The following CDCP2 variants were observed in gnomAD, a reference collection of about 807,000 sequenced individuals.
CDCP2 encodes the protein CUB domain-containing protein 2.
In CDCP2, 31 loss-of-function variants were observed where a neutral mutation model predicts 31.0. The ratio of observed to expected loss-of-function variants is 1.00; its 90% CI spans 0.75 to 1.35. The LOEUF (loss-of-function observed/expected upper bound fraction) is 1.35, where lower values mean the gene tolerates loss of function less well. CDCP2 is among the 40% of genes most tolerant of loss of function. The pLI is 0.00. For missense variants in CDCP2, 443 were observed against 482.6 expected (o/e 0.92, Z 0.77); for synonymous variants, 206 against 207.9 (o/e 0.99, Z 0.08).
At chr1:54,134,490 C>A (rs2100417681) in intron 5 of CDCP2, among the ~76,000 whole-genome samples, 1 of 152,314 alleles carries the variant, frequency 6.6e-6, no homozygotes, top group South Asian at 2.1e-4. Flanking sequence ...TGATGCAGAA[C>A]TACTCTCCCA....
chr1:54,152,846 T>C lies in CDCP2; in HGVS notation c.77A>G (p.Glu26Gly), dbSNP rs760766085. ...ATGTCTGTCCCAAGAGTGCCTACCT[T>C]CCATGGCTTGGGCCTGGAGCCCTGG... The change falls in exon 1 of 6, where the codon GAA (glutamate) becomes GGA (glycine). Residue 26 changes from glutamate (E) to glycine (G), a missense_variant and splice_region_variant. Physicochemically the swap from Glu to Gly is moderately conservative, Grantham distance 98. Coordinates refer to ENST00000530059, the Ensembl canonical transcript of CDCP2. The C allele has an allele frequency of 3.7e-6, 6 of 1,613,976 alleles. No homozygotes were observed. In the Admixed American group the frequency reaches 1.0e-4, roughly 27 times the overall value.
intron 1 of CDCP2, among the ~76,000 whole-genome samples, chr1:54,152,356 C>G (rs12095521): frequency 6.6e-6 from 1 of 151,706 alleles, no homozygotes; most frequent in African/African-American, 2.4e-5. Context: ...CCCTGCTACT[C>G]GAGAGGCTGA....
exon 1 of CDCP2, chr1:54,152,906 C>A: frequency 6.2e-7 from 1 of 1,614,206 alleles, no homozygotes; most frequent in Non-Finnish European, 8.5e-7. Context: ...CAGGCAAGCC[C>A]CCCACTCTGC....
chr1:54,152,971 ATCTCAGGGTCCGG>A (rs767234985), upstream of CDCP2: 10 of 1,570,452 alleles, frequency 6.4e-6, no homozygotes, highest in Non-Finnish European at 8.8e-6. Context: ...GTAGGCCAGG[ATCTCAGGGTCCGG>A]AGCAAGGGAA....
rs534855073 is a variant in CDCP2 at position 54,146,394 on chromosome 1, G to T, written c.80-1581C>A. 5.5e-4 allele frequency among the ~76,000 whole-genome samples: 83 copies of T among 151,822 alleles called. 2 individuals are homozygous for T. The highest frequency in any genetic ancestry group is 2.0e-3 in the African/African-American group (81 of 41,156). On this transcript the variant is annotated intron_variant, in intron 1 of 5. Transcript: ENST00000530059. ...AGGGTTTCACCATTTTGGGCAGGCT[G>T]GTCTCGAACTCCTGACCTCAAGTTA...
chr1:54,144,746 C>T, exon 2 of CDCP2: 10 of 1,614,164 alleles, frequency 6.2e-6, no homozygotes, highest in Non-Finnish European at 7.6e-6. Flanking sequence ...TGTAGGGGTA[C>T]AGTCTAGGGA....
intron 3 of CDCP2, 168 bp downstream of exon 3, chr1:54,140,930 C>T (rs534580548): frequency 1.8e-5 from 9 of 507,000 alleles, no homozygotes; most frequent in Non-Finnish European, 2.4e-5. Context: ...AGGTGACATG[C>T]TTATGTCTTG....
At chr1:54,145,805 C>A (rs1659458179) in intron 1 of CDCP2, among the ~76,000 whole-genome samples, 1 of 152,076 alleles carries the variant, frequency 6.6e-6, no homozygotes, top group Non-Finnish European at 1.5e-5. Flanking sequence ...CTTAAATGTG[C>A]CCTGTTTCAT....
chr1:54,133,964 C>T (rs1336753410), intron 5 of CDCP2, among the ~76,000 whole-genome samples: 1 of 151,926 alleles, frequency 6.6e-6, no homozygotes, highest in Non-Finnish European at 1.5e-5. Flanking sequence ...GAGGTTAAAT[C>T]CCTTGCCTGA....
At chr1:54,144,655 G>T (rs1488417773) in exon 2 of CDCP2, 1 of 1,614,174 alleles carries the variant, frequency 6.2e-7, no homozygotes, top group East Asian at 2.2e-5. Flanking sequence ...CAGGTGTCGT[G>T]GTACTCTAGG....
At chr1:54,144,681 G>A in exon 2 of CDCP2, 1 of 1,614,242 alleles carries the variant, frequency 6.2e-7, no homozygotes, top group Non-Finnish European at 8.5e-7. Context: ...GGCATGGAAG[G>A]TGAGCAGCAC....
chr1:54,145,250 A>C (rs1471436949), intron 1 of CDCP2, among the ~76,000 whole-genome samples: 1 of 152,086 alleles, frequency 6.6e-6, no homozygotes, highest in Non-Finnish European at 1.5e-5. Flanking sequence ...ATATAGTAAA[A>C]TCCCATCTCT....
chr1:54,148,434 T>C (rs1659513354), intron 1 of CDCP2, among the ~76,000 whole-genome samples: 1 of 151,196 alleles, frequency 6.6e-6, no homozygotes, highest in African/African-American at 2.4e-5. Context: ...AAAAGTTAAT[T>C]TGGAGAACTT....
At chr1:54,139,366 TAG>T (rs1260726812) in intron 4 of CDCP2, 18 of 626,144 alleles carry the variant, frequency 2.9e-5, no homozygotes, top group Non-Finnish European at 4.0e-5. Context: ...GCAGGGCTGG[TAG>T]ACATCCCCAC....
At chr1:54,133,554 A>C (rs146051072) in intron 5 of CDCP2, among the ~76,000 whole-genome samples, 64 of 152,184 alleles carry the variant, frequency 4.2e-4, no homozygotes, top group African/African-American at 1.3e-3. Flanking sequence ...TCTATATTTT[A>C]AGTATCTTAT....
intron 2 of CDCP2, chr1:54,142,921 C>T (rs1659399653): frequency 6.6e-6 from 1 of 152,214 alleles, no homozygotes; most frequent in Non-Finnish European, 1.5e-5. Flanking sequence ...ATAGCACCCA[C>T]AGACTTTAAT....
intron 1 of CDCP2, among the ~76,000 whole-genome samples, chr1:54,150,543 C>T (rs951586657): frequency 4.6e-5 from 7 of 151,774 alleles, no homozygotes; most frequent in East Asian, 1.9e-4. Context: ...TGCACTGAGC[C>T]GAGATTGCGC....
intron 3 of CDCP2, 50 bp from the exon 4 acceptor site, chr1:54,140,156 A>ACC: frequency 6.4e-7 from 1 of 1,558,270 alleles, no homozygotes; most frequent in Non-Finnish European, 8.8e-7. Flanking sequence ...GGGAGAGGAG[A>ACC]AGTCACTCTC....
At chr1:54,133,040 G>A (rs4483354) in exon 6 of CDCP2, 23,147 of 399,044 alleles carry the variant, frequency 0.058, 860 homozygotes, top group Non-Finnish European at 0.075. Context: ...CCAGGAAGAC[G>A]ATGTCACTGG....
Sources: gnomAD v4.1 joint callset for allele counts (sites outside exome capture counted in the v4.1 genomes callset) on GRCh38, gnomAD v4.1.1 for gene constraint, MANE v1.5 for transcripts, NCBI Gene and HGNC (gene_info 2026-07-23, HGNC 2026-07-21) for gene names.